Variants in STXBP5 observed in about 807,000 individuals in gnomAD.
The protein encoded by STXBP5 is syntaxin binding protein 5.
Under a neutral mutation model 152.4 loss-of-function variants are expected in STXBP5, and 50 were observed. That is an observed-to-expected ratio of 0.33 (90% CI 0.26 to 0.42). The LOEUF is 0.42. Among genes scored for constraint, STXBP5 ranks in the 10% least tolerant of loss-of-function variants. The pLI is 1.00. For synonymous variants in STXBP5, 492 were observed against 494.7 expected, an observed-to-expected ratio of 0.99 and a Z score of 0.07; for missense variants, 1,167 against 1,388.6, an observed-to-expected ratio of 0.84 and a Z score of 2.54.
rs1776447884 is a variant in STXBP5, at chr6:147,204,714, C to A, written c.150+32C>A. ...GGAGCGCGCAGCCCCGCGACACCGT[C>A]ATTGAAAAATTGGGGTTGTTTTAAG... On this transcript the variant is annotated intron_variant, in intron 1 of 27. Transcript: ENST00000321680. The surrounding 1 kb of genome is among the most constrained non-coding windows in gnomAD (Gnocchi z 4.3). 3 of 1,522,888 alleles carry A rather than the reference C, an allele frequency of 2.0e-6. No individual in the cohort carries two copies. The African/African-American group carries it at 4.2e-5, about 22-fold the overall frequency. 94.3% of individuals were successfully genotyped at this position (1,522,888 alleles called of 1,614,324 possible). A position where few individuals can be genotyped will look rare whatever the true frequency, so the allele number is the denominator to read the frequency against.
chr6:147,213,328 G>A (rs1288755130), intron 2 of STXBP5, among the ~76,000 whole-genome samples: 1 of 149,792 alleles, frequency 6.7e-6, no homozygotes, highest in Non-Finnish European at 1.5e-5. Context: ...ATCACAGCTC[G>A]CTGCAGCCTA....
At chr6:147,359,022 A>C in intron 22 of STXBP5, 62 bp from the exon 23 acceptor site, 1 of 1,557,168 alleles carries the variant, frequency 6.4e-7, no homozygotes, top group South Asian at 1.2e-5. Context: ...TTATATTAAA[A>C]AACAACACAA....
intron 7 of STXBP5, among the ~76,000 whole-genome samples, chr6:147,271,672 A>T (rs1236876712): frequency 6.6e-6 from 1 of 152,166 alleles, no homozygotes; most frequent in African/African-American, 2.4e-5. Context: ...TTTGTATTAG[A>T]AAACAAGAAT....
chr6:147,303,135 T>A (rs541315143), intron 9 of STXBP5, among the ~76,000 whole-genome samples: 1 of 152,184 alleles, frequency 6.6e-6, no homozygotes, highest in Admixed American at 6.5e-5. Flanking sequence ...CAGTATAGGA[T>A]GATTTTTGTT....
chr6:147,367,676 AC>A (rs1785355124), intron 25 of STXBP5, among the ~76,000 whole-genome samples: 1 of 151,974 alleles, frequency 6.6e-6, no homozygotes, highest in Non-Finnish European at 1.5e-5. Flanking sequence ...AGCAAATTAA[AC>A]CCAAAGTAAA....
At chr6:147,252,209 A>T (rs1024096681) in intron 4 of STXBP5, among the ~76,000 whole-genome samples, 43 of 152,214 alleles carry the variant, frequency 2.8e-4, no homozygotes, top group African/African-American at 7.0e-4. Flanking sequence ...CAAGGGAACA[A>T]AACTGGACAG....
At chr6:147,306,946 G>A (rs549282103) in intron 9 of STXBP5, among the ~76,000 whole-genome samples, 1 of 152,272 alleles carries the variant, frequency 6.6e-6, no homozygotes, top group Admixed American at 6.5e-5. Context: ...CTAGACATAG[G>A]AGCACTGCTT....
At chr6:147,346,037 C>T (rs1425784598) in intron 21 of STXBP5, among the ~76,000 whole-genome samples, 7 of 152,220 alleles carry the variant, frequency 4.6e-5, no homozygotes, top group East Asian at 1.9e-4. Flanking sequence ...CTGTCAGAGG[C>T]AAGGGTTGAA....
rs760543447 is a variant in STXBP5 at position 147,235,205 on chromosome 6, A to C, written c.249-45A>C. 6 of 1,574,750 alleles carry C rather than the reference A, an allele frequency of 3.8e-6. No individual in the cohort carries two copies. The Admixed American group carries it at 1.0e-4, about 26-fold the overall frequency. ...CTATTATATAACTTACCAGTTTCTCAAAACCGAACAAATACCATAAACTCC... is the reference window on the plus strand; with the variant it reads ...CTATTATATAACTTACCAGTTTCTCCAAACCGAACAAATACCATAAACTCC... On this transcript the variant is annotated intron_variant, in intron 2 of 27. Coordinates refer to ENST00000321680, the MANE Select transcript of STXBP5 (RefSeq NM_001127715.4).
chr6:147,315,122 C>T (rs1288040577), intron 14 of STXBP5, among the ~76,000 whole-genome samples: 1 of 152,108 alleles, frequency 6.6e-6, no homozygotes, highest in Non-Finnish European at 1.5e-5. Context: ...TGTGTTTCCT[C>T]ATGTAGGAAT....
In STXBP5 at chr6:147,385,675, A is replaced by G. The variant is rs954251338; in HGVS notation, c.*920A>G. ...TGGCTGTGTTTTAAATTTTGCTTGA[A>G]TTTTTATAAAATGTTTAACCAAATG... On this transcript the variant is annotated 3_prime_UTR_variant, in exon 28 of 28. Coordinates refer to ENST00000321680, the MANE Select transcript of STXBP5 (RefSeq NM_001127715.4). 13 of 152,098 alleles carry G rather than the reference A, an allele frequency of 8.5e-5. No homozygotes were observed. The highest frequency in any genetic ancestry group is 1.5e-4 in the Non-Finnish European group (10 of 67,992). The allele number at this position is 152,098 out of a possible 1,614,324, so 9.4% of individuals were successfully genotyped here.
In STXBP5 at chr6:147,304,634, A is replaced by G. The variant is rs548146838; in HGVS notation, c.918-5450A>G. On this transcript the variant is annotated intron_variant, in intron 9 of 27. Coordinates refer to ENST00000321680, the MANE Select transcript of STXBP5 (RefSeq NM_001127715.4). ...ACAGCTTCCACCATGCACCTGGACA[A>G]GCTGCAGACACTCAACACCAACCCA... Among the ~76,000 whole-genome samples the G allele has an allele frequency of 4.7e-4, 71 of 152,238 alleles. 1 individual carries two copies. Among genetic ancestry groups the G allele is most frequent in the Middle Eastern group, 3.4e-3 (1 of 294 alleles).
At chr6:147,223,011 G>A (rs911468583) in intron 2 of STXBP5, among the ~76,000 whole-genome samples, 7 of 152,224 alleles carry the variant, frequency 4.6e-5, no homozygotes, top group Admixed American at 1.3e-4. Context: ...TTCCAGTTTG[G>A]GGGCAGTGGT....
chr6:147,375,045 CA>C (rs1429980044), intron 26 of STXBP5, among the ~76,000 whole-genome samples: 1 of 152,098 alleles, frequency 6.6e-6, no homozygotes, highest in African/African-American at 2.4e-5. Context: ...AAAATGATCT[CA>C]GAAAGAATAT....
intron 4 of STXBP5, among the ~76,000 whole-genome samples, chr6:147,247,194 C>G (rs1778851369): frequency 6.6e-6 from 1 of 152,164 alleles, no homozygotes. Flanking sequence ...AAATTAATCA[C>G]AGTATTGAAA....
At chr6:147,210,770 G>A (rs902917083) in intron 2 of STXBP5, among the ~76,000 whole-genome samples, 1 of 152,134 alleles carries the variant, frequency 6.6e-6, no homozygotes, top group African/African-American at 2.4e-5. Flanking sequence ...ATGTGTGTGT[G>A]TAGCTTTTAC....
rs755126165 is a variant in STXBP5, at chr6:147,387,752, TTTAA to T, written c.*3002_*3005del. 8 of 151,802 alleles carry T rather than the reference TTTAA, an allele frequency of 5.3e-5. No homozygotes were observed. Among genetic ancestry groups the T allele is most frequent in the Admixed American group, 3.9e-4 (6 of 15,208 alleles). 9.4% of individuals were successfully genotyped at this position (151,802 alleles called of 1,614,324 possible). ...GTTATTATGTGTAAGTATATTACAATTTAATTAAGTACAATAGTTTAAAGAACGA... is the reference window on the plus strand; with the variant it reads ...GTTATTATGTGTAAGTATATTACAATTTAAGTACAATAGTTTAAAGAACGA... On this transcript the variant is annotated 3_prime_UTR_variant, in exon 28 of 28. Transcript: ENST00000321680.
At chr6:147,230,469 T>G (rs373692205) in intron 2 of STXBP5, among the ~76,000 whole-genome samples, 4 of 152,072 alleles carry the variant, frequency 2.6e-5, no homozygotes, top group South Asian at 4.1e-4. Context: ...TACTATCTAA[T>G]TGGTGTATGA....
At chr6:147,363,084 A>G (rs1785137134) in intron 23 of STXBP5, among the ~76,000 whole-genome samples, 1 of 152,204 alleles carries the variant, frequency 6.6e-6, no homozygotes, top group African/African-American at 2.4e-5. Context: ...TGTGTTTGCA[A>G]AATTTATCAT....
Sources: allele counts gnomAD v4.1 joint callset (sites outside exome capture counted in the v4.1 genomes callset), GRCh38; gene constraint gnomAD v4.1.1; non-coding constraint Gnocchi (gnomAD v3.1); transcripts MANE v1.5; gene names NCBI Gene and HGNC (gene_info 2026-07-23, HGNC 2026-07-21).